Variants in ZNF532 observed in about 807,000 individuals in gnomAD.
ZNF532 encodes the protein zinc finger protein 532.
Under a neutral mutation model 89.3 loss-of-function variants are expected in ZNF532, and 22 were observed. The observed-to-expected ratio is 0.25, with a 90% CI of 0.18 to 0.35. The LOEUF is 0.35. ZNF532 is among the 10% of genes least tolerant of loss of function. The pLI is 1.00. For synonymous variants in ZNF532, 606 were observed against 649.6 expected (o/e 0.93, Z 1.02); for missense variants, 1,132 against 1,643.4 (o/e 0.69, Z 5.38).
rs557893739 is a variant in ZNF532 at position 58,898,257 on chromosome 18, G to A, written c.-17-20014G>A. Reference sequence around the variant, plus strand: ...CAGAATCCTCTTGCTCACTAGCCACGTGTCCTTGAGCAAGACACTTAAACT... The same window carrying A: ...CAGAATCCTCTTGCTCACTAGCCACATGTCCTTGAGCAAGACACTTAAACT... On this transcript the variant is annotated intron_variant, in intron 2 of 9. Transcript: ENST00000591808. 2.6e-5 allele frequency among the ~76,000 whole-genome samples: 4 copies of A among 152,232 alleles called. 1 individual carries two copies. The highest frequency in any genetic ancestry group is 4.1e-4 in the South Asian group (2 of 4,826).
At chr18:58,927,200 A>G (rs2061595046) in intron 3 of ZNF532, among the ~76,000 whole-genome samples, 1 of 152,180 alleles carries the variant, frequency 6.6e-6, no homozygotes, top group Non-Finnish European at 1.5e-5. Flanking sequence ...GCAGAGATCA[A>G]AATTTACCTT....
At chr18:58,915,487 C>T (rs1040482125) in intron 2 of ZNF532, among the ~76,000 whole-genome samples, 2 of 152,186 alleles carry the variant, frequency 1.3e-5, no homozygotes, top group African/African-American at 4.8e-5. Flanking sequence ...TGCTTCTCAA[C>T]CCCTTGAGGG....
intron 7 of ZNF532, among the ~76,000 whole-genome samples, chr18:58,976,347 T>C (rs2067050062): frequency 6.6e-6 from 1 of 152,236 alleles, no homozygotes; most frequent in Non-Finnish European, 1.5e-5. Context: ...CTGGCATTTC[T>C]GTATTAAAAT....
intron 9 of ZNF532, 46 bp downstream of exon 9, chr18:58,981,663 T>C (rs1174591248): frequency 2.2e-5 from 36 of 1,607,106 alleles, no homozygotes; most frequent in Non-Finnish European, 3.0e-5. Context: ...TGTGTTGACT[T>C]GCTTTTCCCA....
At chr18:58,974,779 C>T (rs991181587) in intron 7 of ZNF532, among the ~76,000 whole-genome samples, 1 of 152,214 alleles carries the variant, frequency 6.6e-6, no homozygotes, top group African/African-American at 2.4e-5. Flanking sequence ...CTCCTTCCCC[C>T]ACTTCACAGT....
At chr18:58,920,808 G>A (rs1214656179) in intron 3 of ZNF532, among the ~76,000 whole-genome samples, 175 bp downstream of exon 3, 1 of 150,962 alleles carries the variant, frequency 6.6e-6, no homozygotes, top group Non-Finnish European at 1.5e-5. Context: ...AGGGGAGGGG[G>A]AATGCCTGTG....
intron 2 of ZNF532, 59 bp from the exon 3 acceptor site, chr18:58,918,212 T>G: frequency 6.8e-7 from 1 of 1,474,228 alleles, no homozygotes; most frequent in Non-Finnish European, 9.2e-7. Flanking sequence ...TATAGGGGTT[T>G]TATCTCATCG....
chr18:58,963,643 G>A (rs201795921), intron 7 of ZNF532, among the ~76,000 whole-genome samples: 25 of 122,172 alleles, frequency 2.0e-4, no homozygotes, highest in African/African-American at 4.9e-4. Flanking sequence ...GTGTGTGTGT[G>A]TGTATGTATA....
intron 3 of ZNF532, among the ~76,000 whole-genome samples, chr18:58,929,562 T>C (rs1385999885): frequency 6.6e-6 from 1 of 152,236 alleles, no homozygotes; most frequent in African/African-American, 2.4e-5. Context: ...TCAAGACTAG[T>C]CCTGTCCTAG....
chr18:58,892,332 C>G (rs1390665870), intron 2 of ZNF532, among the ~76,000 whole-genome samples: 1 of 152,144 alleles, frequency 6.6e-6, no homozygotes, highest in African/African-American at 2.4e-5. Flanking sequence ...TTAAAGGGTA[C>G]TCTTGAAAAC....
chr18:58,922,150 C>T (rs891063396), intron 3 of ZNF532, among the ~76,000 whole-genome samples: 6 of 152,050 alleles, frequency 3.9e-5, no homozygotes, highest in African/African-American at 1.2e-4. Context: ...AAAGGGAGCA[C>T]TAGTTTGAGC....
chr18:58,983,632 C>T (rs182231101), intron 9 of ZNF532, among the ~76,000 whole-genome samples: 144 of 152,260 alleles, frequency 9.5e-4, no homozygotes, highest in African/African-American at 3.3e-3. Flanking sequence ...CCTCATCCCA[C>T]CCTGCTTGGC....
chr18:58,950,845 T>C (rs760458107), intron 6 of ZNF532, among the ~76,000 whole-genome samples: 1 of 152,260 alleles, frequency 6.6e-6, no homozygotes, highest in Non-Finnish European at 1.5e-5. Context: ...TGTCTTGCCA[T>C]GTTGCCCAGG....
Position 58,953,515 on chromosome 18 carries a change from T to C in ZNF532, c.2869-3T>C. The C allele has an allele frequency of 6.3e-7, 1 of 1,598,886 alleles. No homozygotes were observed. Among genetic ancestry groups the C allele is most frequent in the Non-Finnish European group, 8.5e-7 (1 of 1,173,740 alleles). ...AGATATTTCTTTTCTTTTTATAATG[T>C]AGTCTATGCATGGAACATTGAAAAG... On this transcript the variant is annotated splice_polypyrimidine_tract_variant and splice_region_variant and intron_variant, in intron 6 of 9. Coordinates refer to ENST00000591808, the MANE Select transcript of ZNF532 (RefSeq NM_001375912.1).
At chr18:58,907,907 G>A (rs956929532) in intron 2 of ZNF532, among the ~76,000 whole-genome samples, 1 of 152,174 alleles carries the variant, frequency 6.6e-6, no homozygotes, top group African/African-American at 2.4e-5. Flanking sequence ...GAAAGCCGCA[G>A]TCTGACTAGG....
At chr18:58,888,754 T>TAA (rs1284367251) in intron 2 of ZNF532, among the ~76,000 whole-genome samples, 1 of 44,184 alleles carries the variant, frequency 2.3e-5, no homozygotes, top group African/African-American at 1.0e-4. Flanking sequence ...TATATATATA[T>TAA]AAAATTAATA....
chr18:58,956,251 G>C (rs1437465787), intron 7 of ZNF532, among the ~76,000 whole-genome samples: 1 of 152,206 alleles, frequency 6.6e-6, no homozygotes, highest in Non-Finnish European at 1.5e-5. Context: ...TGATGGAGAT[G>C]TTCATCAGAA....
chr18:58,895,589 T>C (rs2059191708), intron 2 of ZNF532, among the ~76,000 whole-genome samples: 2 of 152,208 alleles, frequency 1.3e-5, no homozygotes, highest in Admixed American at 6.5e-5. Flanking sequence ...TGGCTGAGGC[T>C]GGCTGCCAGT....
chr18:58,889,303 A>G (rs1030435780), intron 2 of ZNF532, among the ~76,000 whole-genome samples: 2 of 152,176 alleles, frequency 1.3e-5, no homozygotes, highest in African/African-American at 4.8e-5. Context: ...TCCTGTTTCC[A>G]GGTAACTGCC....
Sources: gnomAD v4.1 joint callset for allele counts (sites outside exome capture counted in the v4.1 genomes callset) on GRCh38, gnomAD v4.1.1 for gene constraint, MANE v1.5 for transcripts, NCBI Gene and HGNC (gene_info 2026-07-23, HGNC 2026-07-21) for gene names.